Variants in TAX1BP1 observed in about 807,000 individuals in gnomAD.
TAX1BP1 encodes the protein Tax1 binding protein 1.
In TAX1BP1, 62 loss-of-function variants were observed where a neutral mutation model predicts 97.7. The observed-to-expected ratio is 0.63, with a 90% CI of 0.52 to 0.78. The LOEUF is 0.78. Among genes scored for constraint, TAX1BP1 ranks in the 30% least tolerant of loss-of-function variants. The probability of loss-of-function intolerance (pLI) is 0.00; values close to 1 mark genes in which losing one functional copy is unlikely to be tolerated. For missense variants in TAX1BP1, 867 were observed against 916.1 expected (o/e 0.95, Z 0.69); for synonymous variants, 340 against 304.2 (o/e 1.12, Z -1.23).
At chr7:27,802,893 A>G (rs1790193030) in intron 13 of TAX1BP1, among the ~76,000 whole-genome samples, 1 of 152,228 alleles carries the variant, frequency 6.6e-6, no homozygotes, top group Middle Eastern at 3.2e-3. Flanking sequence ...GAAAATATTC[A>G]TGCAATTTCA....
At chr7:27,786,217 T>C (rs1030557847) in intron 7 of TAX1BP1, among the ~76,000 whole-genome samples, 9 of 151,640 alleles carry the variant, frequency 5.9e-5, no homozygotes, top group Admixed American at 2.0e-4. Context: ...CTGCAAGCTC[T>C]GCCTCTCGGG....
At chr7:27,779,406 G>A (rs192373897) in intron 5 of TAX1BP1, among the ~76,000 whole-genome samples, 2 of 152,058 alleles carry the variant, frequency 1.3e-5, no homozygotes, top group African/African-American at 2.4e-5. Context: ...GGCTGTTTTT[G>A]GATTAAGTGT....
At chr7:27,809,822 A>T (rs921199918) in intron 13 of TAX1BP1, among the ~76,000 whole-genome samples, 1 of 152,126 alleles carries the variant, frequency 6.6e-6, no homozygotes, top group African/African-American at 2.4e-5. Context: ...GTAGTGTATT[A>T]TTTGCTTACA....
At chr7:27,755,350 T>G (rs1788173794) in intron 2 of TAX1BP1, among the ~76,000 whole-genome samples, 1 of 152,194 alleles carries the variant, frequency 6.6e-6, no homozygotes. Context: ...CTCCAAGGCT[T>G]GTCTCCCTTT....
intron 1 of TAX1BP1, among the ~76,000 whole-genome samples, chr7:27,741,767 C>T (rs1278901916): frequency 1.3e-5 from 2 of 152,084 alleles, no homozygotes; most frequent in Non-Finnish European, 2.9e-5. Context: ...TAAGGGGATC[C>T]GGGGAACCAG....
chr7:27,761,604 G>A (rs992756433), intron 3 of TAX1BP1, among the ~76,000 whole-genome samples: 9 of 152,100 alleles, frequency 5.9e-5, no homozygotes, highest in Non-Finnish European at 1.0e-4. Flanking sequence ...TTTCAGATTG[G>A]CTTCTTTTAC....
rs112382510 is a variant in TAX1BP1, at chr7:27,777,348, G to A, written c.612+7514G>A. Reference sequence around the variant, plus strand: ...GAGCCTTGTTTTCAAGCTTTGTTTAGTGGTACCAGAGCAGCATTTAGACTG... The same window carrying A: ...GAGCCTTGTTTTCAAGCTTTGTTTAATGGTACCAGAGCAGCATTTAGACTG... On this transcript the variant is annotated intron_variant, in intron 5 of 16. Transcript: ENST00000396319. Among the ~76,000 whole-genome samples, 9 of 152,190 alleles carry A rather than the reference G, an allele frequency of 5.9e-5. No individual in the cohort carries two copies. In the South Asian group the frequency reaches 1.0e-3, roughly 18 times the overall value.
intron 11 of TAX1BP1, 120 bp from the exon 12 acceptor site, chr7:27,795,996 G>C (rs1432344334): frequency 1.5e-6 from 1 of 676,866 alleles, no homozygotes; most frequent in Admixed American, 3.5e-5. Context: ...AGATATTTCT[G>C]TCCTTCAGCA....
chr7:27,775,284 A>G (rs779698763), intron 5 of TAX1BP1, among the ~76,000 whole-genome samples: 3 of 152,188 alleles, frequency 2.0e-5, no homozygotes, highest in Non-Finnish European at 2.9e-5. Context: ...CTTTGTGGAT[A>G]TTAGTCATTG....
intron 13 of TAX1BP1, among the ~76,000 whole-genome samples, chr7:27,814,174 G>C (rs764928918): frequency 2.7e-5 from 4 of 149,646 alleles, no homozygotes; most frequent in African/African-American, 9.9e-5. Context: ...CTGTAGTCAC[G>C]TGCCAGTCTT....
intron 5 of TAX1BP1, among the ~76,000 whole-genome samples, chr7:27,771,344 C>T (rs1274065218): frequency 6.6e-6 from 1 of 150,606 alleles, no homozygotes; most frequent in Non-Finnish European, 1.5e-5. Flanking sequence ...TGTCCTAAGC[C>T]CATGAGATCA....
At chr7:27,767,431 T>A (rs1470894671) in intron 4 of TAX1BP1, among the ~76,000 whole-genome samples, 1 of 152,106 alleles carries the variant, frequency 6.6e-6, no homozygotes, top group Non-Finnish European at 1.5e-5. Context: ...TCAAACTAGG[T>A]TAGGAGGAAC....
intron 13 of TAX1BP1, among the ~76,000 whole-genome samples, chr7:27,801,242 A>ATTT (rs33986454): frequency 3.5e-4 from 51 of 145,950 alleles, no homozygotes; most frequent in Admixed American, 6.8e-4. Context: ...TATAATTTAC[A>ATTT]TTTTTTTTTT....
intron 5 of TAX1BP1, among the ~76,000 whole-genome samples, chr7:27,779,951 A>G (rs1204243043): frequency 6.6e-6 from 1 of 152,180 alleles, no homozygotes; most frequent in African/African-American, 2.4e-5. Context: ...GGTGGAAGTA[A>G]TATATATCAT....
chr7:27,769,888 C>T (rs1788781447), intron 5 of TAX1BP1, 54 bp downstream of exon 5: 25 of 1,560,648 alleles, frequency 1.6e-5, no homozygotes, highest in Non-Finnish European at 2.2e-5. Flanking sequence ...GCCTGAAACC[C>T]ACCTTTTTAA....
At chr7:27,739,587 GC>G (rs1437581121), upstream of TAX1BP1, 2 of 152,210 alleles carry the variant, frequency 1.3e-5, no homozygotes, top group Non-Finnish European at 2.9e-5. Flanking sequence ...AGAGGCCTCT[GC>G]TGGAGCGAGA....
rs573736084 is a variant in TAX1BP1 at position 27,829,629 on chromosome 7, T to C, written c.*800T>C. 6.6e-6 allele frequency: 1 copy of C among 152,292 alleles called. No homozygotes were observed. Among genetic ancestry groups the C allele is most frequent in the East Asian group, 1.9e-4 (1 of 5,186 alleles). 9.4% of individuals were successfully genotyped at this position (152,292 alleles called of 1,614,324 possible). On this transcript the variant is annotated 3_prime_UTR_variant, in exon 17 of 17. Coordinates refer to ENST00000396319, the MANE Select transcript of TAX1BP1 (RefSeq NM_006024.7). Reference sequence around the variant, plus strand: ...TACATTTTCCTGATGAGAATATAAATTTGAAATATTCTCAGTAAGTGATTA... The same window carrying C: ...TACATTTTCCTGATGAGAATATAAACTTGAAATATTCTCAGTAAGTGATTA...
chr7:27,782,445 T>G (rs541982090), intron 5 of TAX1BP1, among the ~76,000 whole-genome samples: 1 of 152,142 alleles, frequency 6.6e-6, no homozygotes, highest in East Asian at 1.9e-4. Flanking sequence ...AGATGGGATT[T>G]CACCATGTTG....
At chr7:27,793,020 G>T (rs749406514) in intron 9 of TAX1BP1, 46 bp from the exon 10 acceptor site, 2 of 1,504,704 alleles carry the variant, frequency 1.3e-6, no homozygotes, top group Admixed American at 2.3e-5. Flanking sequence ...AACATTAGGA[G>T]GTATCAGATT....
Sources: allele counts gnomAD v4.1 joint callset (sites outside exome capture counted in the v4.1 genomes callset), GRCh38; gene constraint gnomAD v4.1.1; transcripts MANE v1.5; gene names NCBI Gene and HGNC (gene_info 2026-07-23, HGNC 2026-07-21).